The following NHS variants were observed in gnomAD, a reference collection of about 807,000 sequenced individuals.
The protein encoded by NHS is NHS actin remodeling regulator.
In NHS, 5 loss-of-function variants were observed where a neutral mutation model predicts 72.5. The ratio of observed to expected loss-of-function variants is 0.07; its 90% confidence interval spans 0.04 to 0.14. The LOEUF (loss-of-function observed/expected upper bound fraction) is 0.14, where lower values mean the gene tolerates loss of function less well. NHS is among the 10% of genes least tolerant of loss of function. The pLI is 1.00. For synonymous variants in NHS, 464 were observed against 547.7 expected (o/e 0.85, Z 2.13); for missense variants, 1,072 against 1,355.7 (o/e 0.79, Z 3.29).
intron 1 of NHS, among the ~76,000 whole-genome samples, chrX:17,630,302 C>G (rs528124758): frequency 1.9e-5 from 2 of 105,999 alleles, no homozygotes; most frequent in African/African-American, 6.9e-5. Context: ...AAGTTAAACT[C>G]ATATCCAAGA....
At chrX:17,590,075 T>A (rs1266566735) in intron 1 of NHS, among the ~76,000 whole-genome samples, 1 of 111,923 alleles carries the variant, frequency 8.9e-6, no homozygotes, top group Non-Finnish European at 1.9e-5. Context: ...TGTGTGCAAG[T>A]GTGTATGTAT....
At chrX:17,555,947 A>G (rs1472271635) in intron 1 of NHS, among the ~76,000 whole-genome samples, 1 of 112,398 alleles carries the variant, frequency 8.9e-6, no homozygotes. Context: ...CAGGGGAGAA[A>G]TCACATTTGG....
Position 17,726,238 on chromosome X carries a change from A to T in NHS, c.2132A>T (p.Asp711Val), listed in dbSNP as rs757277718. 8.3e-7 allele frequency: 1 copy of T among 1,212,069 alleles called. No individual in the cohort carries two copies. Among genetic ancestry groups the T allele is most frequent in the Non-Finnish European group, 1.1e-6 (1 of 895,585 alleles). The change falls in exon 7 of 9, where the codon GAT becomes GTT. Residue 711 changes from aspartate (D) to valine (V), a missense_variant. Physicochemically the swap from Asp to Val is radical, Grantham distance 152. Coordinates refer to ENST00000676302, the MANE Select transcript of NHS (RefSeq NM_001291867.2). ...ACCTCCACTGTTGCAGACCTGCTGG[A>T]TGATCCCAACAACAGCAACACAAGT... ...SFTSTVADLL[D>V]DPNNSNTSDS...
At chrX:17,481,320 G>A (rs34577291) in intron 1 of NHS, among the ~76,000 whole-genome samples, 34,645 of 110,924 alleles carry the variant, frequency 0.31, 4,541 homozygotes, top group Non-Finnish European at 0.42. Flanking sequence ...GATAAACTTT[G>A]CTGCTTCTGA....
At chrX:17,617,212 T>G (rs955364204) in intron 1 of NHS, among the ~76,000 whole-genome samples, 1 of 112,012 alleles carries the variant, frequency 8.9e-6, no homozygotes, top group Non-Finnish European at 1.9e-5. Context: ...GGTCTGCGTC[T>G]ATACTGCAGC....
At chrX:17,674,896 G>GGGA (rs2066071006) in intron 1 of NHS, among the ~76,000 whole-genome samples, 1 of 112,094 alleles carries the variant, frequency 8.9e-6, no homozygotes, top group Non-Finnish European at 1.9e-5. Flanking sequence ...AGGAAGGAAG[G>GGGA]GGAGGAGCTC....
chrX:17,505,243 A>G (rs992425833), intron 1 of NHS, among the ~76,000 whole-genome samples: 4 of 111,895 alleles, frequency 3.6e-5, no homozygotes, highest in African/African-American at 1.3e-4. Flanking sequence ...ATTTTCTGCT[A>G]TCAACATTGC....
At chrX:17,527,135 C>T (rs924703759) in intron 1 of NHS, among the ~76,000 whole-genome samples, 8 of 112,700 alleles carry the variant, frequency 7.1e-5, no homozygotes, top group Non-Finnish European at 1.3e-4. Context: ...AAGGTCAGAG[C>T]TTGCCGGGTT....
intron 1 of NHS, among the ~76,000 whole-genome samples, chrX:17,682,519 T>C (rs2066136183): frequency 9.0e-6 from 1 of 111,562 alleles, no homozygotes; most frequent in African/African-American, 3.3e-5. Flanking sequence ...GGTAAATGTG[T>C]CTGCAGGCAC....
chrX:17,384,594 C>T (rs2064395963), intron 1 of NHS, among the ~76,000 whole-genome samples: 1 of 112,130 alleles, frequency 8.9e-6, no homozygotes, highest in Admixed American at 9.5e-5. Context: ...GCCTTTTCTA[C>T]ACAATGCCAT....
chrX:17,559,057 C>T (rs1299568118), intron 1 of NHS, among the ~76,000 whole-genome samples: 1 of 112,076 alleles, frequency 8.9e-6, no homozygotes, highest in African/African-American at 3.2e-5. Flanking sequence ...TATATATAAG[C>T]AGTTTCTCAT....
At position 17,569,547 on chromosome X, in the gene NHS, C is replaced by A. The variant is rs2065464259; in HGVS notation, c.566-118195C>A. ...TTTTTCTTGTAAATTTGTTTAAGTT[C>A]TTTGTAGATTCTGGATATTAGCCCT... On this transcript the variant is annotated intron_variant, in intron 1 of 8. Transcript: ENST00000676302. 3.6e-5 allele frequency among the ~76,000 whole-genome samples: 4 copies of A among 111,602 alleles called. No homozygotes were observed. In the Admixed American group the frequency reaches 3.8e-4, roughly 11 times the overall value.
At chrX:17,385,198 A>G (rs1382257619) in intron 1 of NHS, among the ~76,000 whole-genome samples, 3 of 112,187 alleles carry the variant, frequency 2.7e-5, no homozygotes, top group Admixed American at 9.5e-5. Flanking sequence ...CCATTAATGT[A>G]CATGAGGTTT....
intron 1 of NHS, among the ~76,000 whole-genome samples, chrX:17,554,719 C>T (rs957811014): frequency 1.8e-5 from 2 of 112,443 alleles, no homozygotes; most frequent in Admixed American, 9.4e-5. Flanking sequence ...AGACGCGTGT[C>T]TGTCTGTTGT....
intron 1 of NHS, among the ~76,000 whole-genome samples, chrX:17,500,696 TA>T (rs1748521271): frequency 8.9e-6 from 1 of 111,969 alleles, no homozygotes; most frequent in Admixed American, 9.5e-5. Context: ...CCTCTGCACA[TA>T]CTGTCAGATG....
At chrX:17,648,588 A>G (rs992986473) in intron 1 of NHS, among the ~76,000 whole-genome samples, 2 of 112,717 alleles carry the variant, frequency 1.8e-5, no homozygotes, top group Non-Finnish European at 3.8e-5. Context: ...TTTTATACAC[A>G]TAAATTAAAA....
At position 17,727,678 on chromosome X, in the gene NHS, G is replaced by A. The variant is rs1435594937; in HGVS notation, c.3572G>A (p.Arg1191His). The A allele has an allele frequency of 6.6e-6, 8 of 1,211,538 alleles. No homozygotes were observed. The highest frequency in any genetic ancestry group is 1.7e-5 in the African/African-American group (1 of 57,783). Reference protein sequence around the residue: ...RPHTANKSVSRQYSTEDTILS... With the variant: ...RPHTANKSVSHQYSTEDTILS... ...CATACAGCAAATAAATCAGTATCTCGTCAATACTCCACTGAAGACACCATA... is the reference window on the plus strand; with the variant it reads ...CATACAGCAAATAAATCAGTATCTCATCAATACTCCACTGAAGACACCATA... The change falls in exon 7 of 9, where the codon CGT becomes CAT. Residue 1191 changes from arginine (R) to histidine (H), a missense_variant. By Grantham distance (29) the Arg-to-His change is conservative (BLOSUM62 0). Coordinates refer to ENST00000676302, the MANE Select transcript of NHS (RefSeq NM_001291867.2).
chrX:17,537,230 A>T (rs1450426319), intron 1 of NHS, among the ~76,000 whole-genome samples: 1 of 112,228 alleles, frequency 8.9e-6, no homozygotes, highest in Non-Finnish European at 1.9e-5. Context: ...GGAATCAGCA[A>T]AACTGACCAG....
chrX:17,445,594 A>C (rs1387300594), intron 1 of NHS, among the ~76,000 whole-genome samples: 1 of 110,991 alleles, frequency 9.0e-6, no homozygotes, highest in Non-Finnish European at 1.9e-5. Context: ...ATCTTGTGGC[A>C]GTTTTTACTT....
Sources: gnomAD v4.1 joint callset for allele counts (sites outside exome capture counted in the v4.1 genomes callset) on GRCh38, gnomAD v4.1.1 for gene constraint, MANE v1.5 for transcripts, NCBI Gene and HGNC (gene_info 2026-07-23, HGNC 2026-07-21) for gene names.